Variants in ERC1 observed in about 807,000 individuals in gnomAD.
The protein encoded by ERC1 is ELKS/RAB6-interacting/CAST family member 1, also known as RAB6 interacting protein 2.
In ERC1, 56 loss-of-function variants were observed where a neutral mutation model predicts 132.0. That is an observed-to-expected ratio of 0.42 (90% CI 0.34 to 0.53). The LOEUF (loss-of-function observed/expected upper bound fraction) is 0.53. Among genes scored for constraint, ERC1 ranks in the 20% least tolerant of loss-of-function variants. The pLI is 0.03. For synonymous variants in ERC1, 478 were observed against 476.1 expected (o/e 1.00, Z -0.05); for missense variants, 1,202 against 1,349.9 (o/e 0.89, Z 1.72).
At chr12:998,614 C>T (rs1961452850) in intron 1 of ERC1, 1 of 152,152 alleles carries the variant, frequency 6.6e-6, no homozygotes, top group African/African-American at 2.4e-5. Context: ...GATGTGGTAT[C>T]ACTTTTGTTG....
At chr12:1,102,399 T>C (rs1565968975) in intron 3 of ERC1, among the ~76,000 whole-genome samples, 1 of 152,084 alleles carries the variant, frequency 6.6e-6, no homozygotes, top group Non-Finnish European at 1.5e-5. Context: ...TCTAAAAGAG[T>C]TCACAGTATG....
chr12:1,204,953 A>C (rs569523406), intron 12 of ERC1, among the ~76,000 whole-genome samples: 2 of 152,180 alleles, frequency 1.3e-5, no homozygotes, highest in African/African-American at 4.8e-5. Context: ...TCAGACACAC[A>C]CACACCCACA....
At chr12:1,401,748 TAAAAAAA>T (rs60523460) in intron 16 of ERC1, among the ~76,000 whole-genome samples, 1 of 115,344 alleles carries the variant, frequency 8.7e-6, no homozygotes, top group Non-Finnish European at 1.9e-5. Flanking sequence ...GGGAGGGCGG[TAAAAAAA>T]AAAAAAAAAA....
In ERC1 at chr12:1,104,777, C is replaced by A; in HGVS notation, c.1114C>A (p.Pro372Thr). 1 of 1,613,330 alleles carries A rather than the reference C, an allele frequency of 6.2e-7. No individual in the cohort carries two copies. The highest frequency in any genetic ancestry group is 1.1e-5 in the South Asian group (1 of 91,028). The change falls in exon 4 of 19, where the codon CCT becomes ACT. Residue 372 changes from proline (P) to threonine (T), a missense_variant. Coordinates refer to ENST00000360905, the MANE Select transcript of ERC1 (RefSeq NM_178040.4). ...GATGCATCGAAGGTTTGAGAATGCTCCTGATTCTGCCAAAACAAAAGCTCT... is the reference window on the plus strand; with the variant it reads ...GATGCATCGAAGGTTTGAGAATGCTACTGATTCTGCCAAAACAAAAGCTCT... The part of the protein sequence containing the change: ...EEMHRRFENA[P>T]DSAKTKALQT...
chr12:1,359,060 C>T (rs1031896673), intron 15 of ERC1, among the ~76,000 whole-genome samples: 3 of 152,078 alleles, frequency 2.0e-5, no homozygotes, highest in African/African-American at 7.2e-5. Context: ...GCCTTGAAGT[C>T]AGGAATCCAA....
At chr12:1,038,044 CA>C (rs879737756) in intron 2 of ERC1, among the ~76,000 whole-genome samples, 181 of 114,550 alleles carry the variant, frequency 1.6e-3, no homozygotes, top group Non-Finnish European at 1.4e-3. Flanking sequence ...GACTCCGTCT[CA>C]AAAAAAAAAA....
At chr12:1,007,158 C>A (rs1179435693) in intron 1 of ERC1, among the ~76,000 whole-genome samples, 1 of 152,020 alleles carries the variant, frequency 6.6e-6, no homozygotes, top group Non-Finnish European at 1.5e-5. Context: ...CGTGCAAGAA[C>A]TAGAAGGTTT....
intron 15 of ERC1, among the ~76,000 whole-genome samples, chr12:1,365,220 C>A (rs2086542210): frequency 6.6e-6 from 1 of 152,034 alleles, no homozygotes; most frequent in African/African-American, 2.4e-5. Flanking sequence ...CTCTTTCTTT[C>A]TTTAAATGAA....
intron 13 of ERC1, among the ~76,000 whole-genome samples, chr12:1,254,761 C>T (rs1289087302): frequency 1.3e-5 from 2 of 152,112 alleles, no homozygotes; most frequent in Non-Finnish European, 1.5e-5. Context: ...GATCCACCCA[C>T]CTTGGCTTCC....
intron 15 of ERC1, among the ~76,000 whole-genome samples, chr12:1,359,309 C>T (rs1591521671): frequency 6.6e-6 from 1 of 152,134 alleles, no homozygotes; most frequent in African/African-American, 2.4e-5. Flanking sequence ...CTTCTACACT[C>T]AACAGAAATA....
At chr12:1,476,097 A>G (rs1456669561) in intron 18 of ERC1, among the ~76,000 whole-genome samples, 2 of 152,022 alleles carry the variant, frequency 1.3e-5, no homozygotes, top group Non-Finnish European at 2.9e-5. Context: ...CCCCGTCTCT[A>G]CTAAAAATAT....
intron 1 of ERC1, among the ~76,000 whole-genome samples, chr12:1,010,437 G>A (rs1470640968): frequency 6.8e-6 from 1 of 146,138 alleles, no homozygotes; most frequent in Non-Finnish European, 1.5e-5. Context: ...CCGAGATCAT[G>A]CCACTGCATT....
intron 17 of ERC1, among the ~76,000 whole-genome samples, chr12:1,416,250 A>G (rs1342233886): frequency 6.6e-6 from 1 of 152,220 alleles, no homozygotes; most frequent in African/African-American, 2.4e-5. Flanking sequence ...TCACTGATAA[A>G]TGTGACTAAC....
chr12:1,319,198 T>C (rs2081959323), intron 15 of ERC1, among the ~76,000 whole-genome samples: 1 of 152,212 alleles, frequency 6.6e-6, no homozygotes, highest in African/African-American at 2.4e-5. Flanking sequence ...GTCAGTTTTA[T>C]TGCTTTAAAA....
chr12:1,004,401 CTTTTTTT>C lies in ERC1; in HGVS notation c.-157+13096_-157+13102del, dbSNP rs71055118. On this transcript the variant is annotated intron_variant, in intron 1 of 18. Coordinates refer to ENST00000360905, the MANE Select transcript of ERC1 (RefSeq NM_178040.4). ...TAAATTTCTTTCTTTTTTTCTTTCT[CTTTTTTT>C]TTTTTTTTTTTTTTTTGAGACGGAG... Among the ~76,000 whole-genome samples, 304 of 95,040 alleles carry C rather than the reference CTTTTTTT, an allele frequency of 3.2e-3. 1 individual carries two copies. Among genetic ancestry groups the C allele is most frequent in the African/African-American group, 0.01 (244 of 24,164 alleles). 62.3% of individuals were successfully genotyped at this position (95,040 alleles called of 152,430 possible).
In ERC1 at chr12:1,055,418, G is replaced by C. The variant is rs1196311776; in HGVS notation, c.669+26846G>C. Among the ~76,000 whole-genome samples the C allele has an allele frequency of 3.3e-5, 5 of 152,102 alleles. No homozygotes were observed. The East Asian group carries it at 7.7e-4, about 23-fold the overall frequency. ...TGGTCTCGAACTCCTGACCTCAAAT[G>C]ATCTGCCCACCTCAGCCTCCCAAGG... On this transcript the variant is annotated intron_variant, in intron 2 of 18. Coordinates refer to ENST00000360905, the MANE Select transcript of ERC1 (RefSeq NM_178040.4).
chr12:1,368,362 CTG>C (rs1162245764), intron 15 of ERC1, among the ~76,000 whole-genome samples: 6 of 152,082 alleles, frequency 3.9e-5, no homozygotes, highest in African/African-American at 1.4e-4. Context: ...TCTTCAATGA[CTG>C]TGTACTACTT....
In ERC1 at chr12:1,310,039, C is replaced by T. The variant is rs538840280; in HGVS notation, c.2780+20027C>T. On this transcript the variant is annotated intron_variant, in intron 15 of 18. Transcript: ENST00000360905. Reference sequence around the variant, plus strand: ...CTTGGCTCGCTGCAAGCTCTGCCTCCCGGGTTCACGCCATTCTCCTGCCTC... The same window carrying T: ...CTTGGCTCGCTGCAAGCTCTGCCTCTCGGGTTCACGCCATTCTCCTGCCTC... 5.2e-3 allele frequency among the ~76,000 whole-genome samples: 781 copies of T among 151,500 alleles called. 8 individuals carry two copies. Among genetic ancestry groups the T allele is most frequent in the African/African-American group, 0.018 (749 of 41,244 alleles).
intron 1 of ERC1, chr12:998,258 G>C (rs1009556675): frequency 2.0e-5 from 3 of 152,216 alleles, no homozygotes; most frequent in African/African-American, 7.2e-5. Flanking sequence ...CTTAGCAGCT[G>C]TGCTAGTTTC....
Sources: gnomAD v4.1 joint callset for allele counts (sites outside exome capture counted in the v4.1 genomes callset) on GRCh38, gnomAD v4.1.1 for gene constraint, MANE v1.5 for transcripts, NCBI Gene and HGNC (gene_info 2026-07-23, HGNC 2026-07-21) for gene names.